ASTN2: variants seen among roughly 807,000 people sequenced by gnomAD.
The protein encoded by ASTN2 is astrotactin 2.
Under a neutral mutation model 139.8 loss-of-function variants are expected in ASTN2, and 54 were observed. The observed-to-expected ratio is 0.39, with a 90% CI of 0.31 to 0.48. The LOEUF is 0.48. ASTN2 is among the 20% of genes least tolerant of loss of function. The pLI is 0.95. For synonymous variants in ASTN2, 756 were observed against 719.5 expected, an observed-to-expected ratio of 1.05 and a Z score of -0.81; for missense variants, 1,565 against 1,725.1, an observed-to-expected ratio of 0.91 and a Z score of 1.64.
intron 1 of ASTN2, among the ~76,000 whole-genome samples, chr9:117,346,736 A>G (rs888067690): frequency 6.6e-6 from 1 of 152,146 alleles, no homozygotes; most frequent in Non-Finnish European, 1.5e-5. Context: ...GGCCACCTCT[A>G]TTCCCTCAAG....
Position 116,948,696 on chromosome 9 carries a change from T to TGA in ASTN2, c.1889+26510_1889+26511dup, listed in dbSNP as rs1343061294. Among the ~76,000 whole-genome samples, 28 of 60,090 alleles carry TGA rather than the reference T, an allele frequency of 4.7e-4. No homozygotes were observed. The East Asian group carries it at 5.3e-3, about 11-fold the overall frequency. 39.4% of individuals were successfully genotyped at this position (60,090 alleles called of 152,430 possible). ...GTAGATAGAGTTTGACTTATATGTG[T>TGA]GAGTGTGTGTGTGTGTGTGTGTGTG... On this transcript the variant is annotated intron_variant, in intron 10 of 22. Coordinates refer to ENST00000313400, the MANE Select transcript of ASTN2 (RefSeq NM_001365068.1).
chr9:117,386,723 G>C (rs891895695), intron 1 of ASTN2, among the ~76,000 whole-genome samples: 2 of 152,128 alleles, frequency 1.3e-5, no homozygotes, highest in Non-Finnish European at 2.9e-5. Flanking sequence ...TGCCACTCTG[G>C]AATGCCAGCT....
intron 11 of ASTN2, among the ~76,000 whole-genome samples, chr9:116,858,531 C>G (rs2132333250): frequency 6.6e-6 from 1 of 152,276 alleles, no homozygotes; most frequent in South Asian, 2.1e-4. Context: ...TTTTTATTCT[C>G]TATCTTGATT....
chr9:116,604,999 G>C (rs1855113532), intron 19 of ASTN2, among the ~76,000 whole-genome samples: 1 of 151,524 alleles, frequency 6.6e-6, no homozygotes, highest in African/African-American at 2.4e-5. Flanking sequence ...GACAAGCAAA[G>C]GTCAGCTGAG....
chr9:117,092,609 G>A (rs1379396726), intron 5 of ASTN2, among the ~76,000 whole-genome samples: 1 of 152,200 alleles, frequency 6.6e-6, no homozygotes, highest in Non-Finnish European at 1.5e-5. Flanking sequence ...GACCTGAAAT[G>A]GTTACAGTGA....
chr9:116,514,185 GA>G (rs1238187610), intron 19 of ASTN2, among the ~76,000 whole-genome samples: 1 of 150,798 alleles, frequency 6.6e-6, no homozygotes, highest in African/African-American at 2.4e-5. Context: ...TTTTGGTGTG[GA>G]TGTCCTTTCT....
At chr9:116,893,576 G>T (rs117901432) in intron 10 of ASTN2, among the ~76,000 whole-genome samples, 2,080 of 152,128 alleles carry the variant, frequency 0.014, 19 homozygotes, top group Non-Finnish European at 0.019. Context: ...GCTCTACTTG[G>T]TATTGTTTGA....
At chr9:117,253,896 G>A (rs1198450815) in intron 2 of ASTN2, among the ~76,000 whole-genome samples, 1 of 152,086 alleles carries the variant, frequency 6.6e-6, no homozygotes, top group Non-Finnish European at 1.5e-5. Context: ...ACCCCATTTT[G>A]GCCACACACC....
intron 19 of ASTN2, among the ~76,000 whole-genome samples, chr9:116,577,850 G>A (rs1459574107): frequency 6.6e-6 from 1 of 152,116 alleles, no homozygotes; most frequent in African/African-American, 2.4e-5. Flanking sequence ...AATCTCTTCT[G>A]ATAATCTCAG....
At chr9:117,154,798 G>T (rs1304469596) in intron 3 of ASTN2, among the ~76,000 whole-genome samples, 1 of 151,946 alleles carries the variant, frequency 6.6e-6, no homozygotes, top group African/African-American at 2.4e-5. Context: ...GATGTTCTGA[G>T]CCTCTCAGTT....
At chr9:116,635,477 ATC>A (rs776415483) in intron 17 of ASTN2, among the ~76,000 whole-genome samples, 5 of 152,174 alleles carry the variant, frequency 3.3e-5, no homozygotes, top group Non-Finnish European at 7.3e-5. Context: ...AAGCAAATAA[ATC>A]TATCTATATT....
intron 2 of ASTN2, among the ~76,000 whole-genome samples, chr9:117,231,270 T>A (rs1017257622): frequency 6.6e-6 from 1 of 152,242 alleles, no homozygotes; most frequent in African/African-American, 2.4e-5. Flanking sequence ...TTGCCAAGAT[T>A]ACAGCTGTCT....
At chr9:116,501,874 C>T (rs1425269699) in intron 19 of ASTN2, among the ~76,000 whole-genome samples, 1 of 151,766 alleles carries the variant, frequency 6.6e-6, no homozygotes, top group Non-Finnish European at 1.5e-5. Context: ...AAAACAGCAC[C>T]AGTGGGATTG....
At chr9:117,100,849 T>C (rs1208709533) in intron 4 of ASTN2, among the ~76,000 whole-genome samples, 3 of 152,248 alleles carry the variant, frequency 2.0e-5, no homozygotes, top group Non-Finnish European at 4.4e-5. Flanking sequence ...TTAGTTTCTA[T>C]ATTTGTTTAT....
At chr9:117,260,849 C>T (rs113686502) in intron 2 of ASTN2, among the ~76,000 whole-genome samples, 26 of 152,274 alleles carry the variant, frequency 1.7e-4, no homozygotes, top group African/African-American at 5.8e-4. Flanking sequence ...GGCACAGACA[C>T]ATTGACAAAT....
At chr9:117,317,004 C>A (rs1828164615) in intron 1 of ASTN2, among the ~76,000 whole-genome samples, 1 of 152,082 alleles carries the variant, frequency 6.6e-6, no homozygotes, top group Non-Finnish European at 1.5e-5. Context: ...CTTCTCTTAT[C>A]TTTTTGCCTC....
intron 10 of ASTN2, among the ~76,000 whole-genome samples, chr9:116,955,924 A>G (rs777350480): frequency 4.2e-4 from 64 of 152,190 alleles, no homozygotes; most frequent in Non-Finnish European, 8.1e-4. Flanking sequence ...ACAAGAAACT[A>G]CAGTCAACAT....
intron 2 of ASTN2, among the ~76,000 whole-genome samples, chr9:117,265,457 G>C (rs1227529799): frequency 1.3e-5 from 2 of 152,152 alleles, no homozygotes; most frequent in African/African-American, 4.8e-5. Flanking sequence ...GAGGGGTACC[G>C]AGCTGCCAAA....
chr9:116,689,575 C>T (rs1198402347), intron 16 of ASTN2, among the ~76,000 whole-genome samples: 1 of 152,176 alleles, frequency 6.6e-6, no homozygotes. Context: ...ATACCCAGAT[C>T]TCTGTAACTC....
Sources: allele counts gnomAD v4.1 joint callset (sites outside exome capture counted in the v4.1 genomes callset), GRCh38; gene constraint gnomAD v4.1.1; transcripts MANE v1.5; gene names NCBI Gene and HGNC (gene_info 2026-07-23, HGNC 2026-07-21).